The following ALK variants were observed in gnomAD, a reference collection of about 807,000 sequenced individuals.
ALK encodes the protein ALK tyrosine kinase receptor.
ALK carries 74 observed loss-of-function variants against 163.1 expected under a neutral mutation model. The ratio of observed to expected loss-of-function variants is 0.45; its 90% CI spans 0.38 to 0.55. The LOEUF is 0.55. Among genes scored for constraint, ALK ranks in the 20% least tolerant of loss-of-function variants. The pLI is 0.00. For synonymous variants in ALK, 960 were observed against 843.2 expected (o/e 1.14, Z -2.40); for missense variants, 2,063 against 2,105.3 (o/e 0.98, Z 0.39).
At chr2:29,282,296 G>A (rs139098941) in intron 9 of ALK, among the ~76,000 whole-genome samples, 52 of 152,254 alleles carry the variant, frequency 3.4e-4, no homozygotes, top group African/African-American at 1.0e-3. Flanking sequence ...AGCTTGGGTC[G>A]CAGTAGGCAT....
intron 1 of ALK, among the ~76,000 whole-genome samples, chr2:29,779,782 A>G (rs1681282872): frequency 6.6e-6 from 1 of 152,228 alleles, no homozygotes; most frequent in Admixed American, 6.5e-5. Flanking sequence ...AATTAGAGAG[A>G]AGAATCAGAT....
chr2:29,851,164 T>C (rs879564349), intron 1 of ALK, among the ~76,000 whole-genome samples: 6 of 152,248 alleles, frequency 3.9e-5, no homozygotes, highest in Admixed American at 6.5e-5. Flanking sequence ...CTGCCCTTAT[T>C]GGATTGTAAG....
intron 4 of ALK, among the ~76,000 whole-genome samples, chr2:29,436,379 T>A (rs1208534449): frequency 6.6e-6 from 1 of 152,186 alleles, no homozygotes; most frequent in African/African-American, 2.4e-5. Context: ...TGCTTCCTAA[T>A]CACTTCCCAG....
chr2:29,537,314 G>C (rs1673285019), intron 3 of ALK, among the ~76,000 whole-genome samples: 1 of 152,242 alleles, frequency 6.6e-6, no homozygotes, highest in Non-Finnish European at 1.5e-5. Context: ...TCAGGGGCCA[G>C]GCCCAGGGTG....
intron 1 of ALK, among the ~76,000 whole-genome samples, chr2:29,740,273 T>C (rs929931724): frequency 1.2e-4 from 18 of 151,726 alleles, no homozygotes; most frequent in African/African-American, 4.1e-4. Context: ...GCTTTCCATA[T>C]AGTAGGAGAG....
intron 3 of ALK, among the ~76,000 whole-genome samples, chr2:29,674,111 C>T (rs1461262619): frequency 4.7e-5 from 7 of 149,096 alleles, no homozygotes; most frequent in Non-Finnish European, 1.0e-4. Context: ...ACAATCATGT[C>T]GTCTGCAAAC....
At position 29,612,963 on chromosome 2, in the gene ALK, G is replaced by A. The variant is rs1675737913; in HGVS notation, c.953-80847C>T. Among the ~76,000 whole-genome samples the A allele has an allele frequency of 2.0e-5, 3 of 152,250 alleles. No individual in the cohort carries two copies. The South Asian group carries it at 6.2e-4, about 32-fold the overall frequency. On this transcript the variant is annotated intron_variant, in intron 3 of 28. Coordinates refer to ENST00000389048, the MANE Select transcript of ALK (RefSeq NM_004304.5). ...GGAATCAAAACAAAAAATAAAGTAG[G>A]AACCATGACCTCCTCTCACTCCAGG... is the stretch of plus-strand genomic sequence containing the variant.
chr2:29,520,985 A>G (rs1400551335), intron 4 of ALK, among the ~76,000 whole-genome samples: 1 of 152,174 alleles, frequency 6.6e-6, no homozygotes, highest in East Asian at 1.9e-4. Flanking sequence ...CACTGAGATG[A>G]TCATTCTAGG....
chr2:29,620,169 G>C (rs1675988699), intron 3 of ALK, among the ~76,000 whole-genome samples: 1 of 152,152 alleles, frequency 6.6e-6, no homozygotes, highest in Non-Finnish European at 1.5e-5. Context: ...CCATTCACTG[G>C]GTGGGCTTAA....
intron 1 of ALK, among the ~76,000 whole-genome samples, chr2:29,758,761 G>C (rs1158561948): frequency 1.3e-5 from 2 of 152,126 alleles, no homozygotes; most frequent in African/African-American, 4.8e-5. Context: ...TAGCCAAAAT[G>C]AATTCCTACC....
chr2:29,521,902 C>T (rs1252959451), intron 4 of ALK, among the ~76,000 whole-genome samples: 1 of 152,150 alleles, frequency 6.6e-6, no homozygotes, highest in Non-Finnish European at 1.5e-5. Flanking sequence ...TGGATAGGCT[C>T]TCTATGACCT....
In ALK at chr2:29,569,770, G is replaced by A. The variant is rs143031551; in HGVS notation, c.953-37654C>T. Among the ~76,000 whole-genome samples the A allele has an allele frequency of 3.4e-3, 512 of 152,268 alleles. 4 individuals are homozygous for A. Among genetic ancestry groups the A allele is most frequent in the African/African-American group, 0.011 (439 of 41,572 alleles). On this transcript the variant is annotated intron_variant, in intron 3 of 28. Coordinates refer to ENST00000389048, the MANE Select transcript of ALK (RefSeq NM_004304.5). ...CCCTTCAGTCCCTAGCACAGATCCTGGGCAAGCAGGGATCCCTGCTTTCCA... is the reference window on the plus strand; with the variant it reads ...CCCTTCAGTCCCTAGCACAGATCCTAGGCAAGCAGGGATCCCTGCTTTCCA...
intron 23 of ALK, among the ~76,000 whole-genome samples, chr2:29,217,018 GTA>G (rs1458346922): frequency 1.4e-5 from 2 of 138,794 alleles, no homozygotes; most frequent in Non-Finnish European, 3.0e-5. Flanking sequence ...GTGCGTGAGT[GTA>G]TGTGGTATGT....
At chr2:29,196,421 A>C (rs753160585) in intron 28 of ALK, among the ~76,000 whole-genome samples, 7 of 152,188 alleles carry the variant, frequency 4.6e-5, no homozygotes, top group Non-Finnish European at 1.0e-4. Flanking sequence ...CAGGCTCTAA[A>C]CTATTTGAGA....
intron 1 of ALK, among the ~76,000 whole-genome samples, chr2:29,774,688 GT>G (rs1681122702): frequency 6.6e-6 from 1 of 152,184 alleles, no homozygotes; most frequent in African/African-American, 2.4e-5. Context: ...GGCCTAGGAG[GT>G]AAAAATACAA....
chr2:29,722,276 T>C (rs1160314915), intron 1 of ALK, among the ~76,000 whole-genome samples: 1 of 152,268 alleles, frequency 6.6e-6, no homozygotes, highest in African/African-American at 2.4e-5. Flanking sequence ...TGATGATCAA[T>C]AAATTTCAAG....
intron 3 of ALK, among the ~76,000 whole-genome samples, chr2:29,548,555 G>A (rs201152675): frequency 4.1e-5 from 5 of 121,248 alleles, no homozygotes; most frequent in African/African-American, 6.0e-5. Context: ...CGCTCTTCTT[G>A]TGGGAAACAC....
At chr2:29,764,768 C>A (rs13393565) in intron 1 of ALK, among the ~76,000 whole-genome samples, 5,293 of 152,246 alleles carry the variant, frequency 0.035, 312 homozygotes, top group African/African-American at 0.12. Context: ...ATGTTAAAAT[C>A]CTTGGATGCC....
In ALK at chr2:29,738,832, T is replaced by C. The variant is rs1031612783; in HGVS notation, c.668-21135A>G. On this transcript the variant is annotated intron_variant, in intron 1 of 28. Coordinates refer to ENST00000389048, the MANE Select transcript of ALK (RefSeq NM_004304.5). ...CTTCATGAAACTCAGAATGAAACCATAGTCAGAACACACAAGGATATTTGC... is the reference window on the plus strand; with the variant it reads ...CTTCATGAAACTCAGAATGAAACCACAGTCAGAACACACAAGGATATTTGC... 3.9e-5 allele frequency among the ~76,000 whole-genome samples: 6 copies of C among 152,058 alleles called. 1 individual carries two copies. The highest frequency in any genetic ancestry group is 1.2e-4 in the African/African-American group (5 of 41,342).
Sources: gnomAD v4.1 joint callset for allele counts (sites outside exome capture counted in the v4.1 genomes callset) on GRCh38, gnomAD v4.1.1 for gene constraint, MANE v1.5 for transcripts, NCBI Gene and HGNC (gene_info 2026-07-23, HGNC 2026-07-21) for gene names.